DPP4: variants seen among roughly 807,000 people sequenced by gnomAD.
DPP4 encodes the protein dipeptidyl peptidase 4.
DPP4 carries 93 observed loss-of-function variants against 122.4 expected under a neutral mutation model. The observed-to-expected ratio is 0.76, with a 90% confidence interval of 0.64 to 0.90. DPP4 has a LOEUF of 0.90. Ranked by LOEUF, DPP4 falls within the 40% of genes least tolerant of loss-of-function variation. The probability of loss-of-function intolerance (pLI) is 0.00; values close to 1 mark genes in which losing one functional copy is unlikely to be tolerated. For synonymous variants in DPP4, 321 were observed against 302.9 expected, an observed-to-expected ratio of 1.06 and a Z score of -0.62; for missense variants, 914 against 907.3, an observed-to-expected ratio of 1.01 and a Z score of -0.09.
chr2:162,063,520 G>T (rs1456564289), intron 2 of DPP4, among the ~76,000 whole-genome samples: 1 of 152,046 alleles, frequency 6.6e-6, no homozygotes, highest in Non-Finnish European at 1.5e-5. Flanking sequence ...GGGAAAGACT[G>T]CACAGTGAGG....
intron 8 of DPP4, among the ~76,000 whole-genome samples, chr2:162,038,098 A>G (rs1559717840): frequency 6.6e-6 from 1 of 152,194 alleles, no homozygotes; most frequent in Non-Finnish European, 1.5e-5. Flanking sequence ...ATTGTCAGGC[A>G]ATGAGGACAG....
intron 4 of DPP4, chr2:162,046,714 G>T: frequency 1.6e-6 from 1 of 634,188 alleles, no homozygotes; most frequent in Non-Finnish European, 3.0e-6. Context: ...TTAAAAATAT[G>T]GGCAGAGGAA....
At chr2:161,999,508 G>A (rs1559703770) in intron 23 of DPP4, among the ~76,000 whole-genome samples, 1 of 152,106 alleles carries the variant, frequency 6.6e-6, no homozygotes, top group Non-Finnish European at 1.5e-5. Flanking sequence ...AGAAACTTCC[G>A]GAGAGCCCCG....
chr2:162,070,764 C>T (rs1685087986), intron 2 of DPP4, among the ~76,000 whole-genome samples: 1 of 152,170 alleles, frequency 6.6e-6, no homozygotes. Context: ...CATTCCTGAG[C>T]TTTTATCTTT....
chr2:162,019,932 C>G (rs77962142), intron 14 of DPP4, among the ~76,000 whole-genome samples: 113 of 152,200 alleles, frequency 7.4e-4, no homozygotes, highest in African/African-American at 2.7e-3. Flanking sequence ...TGAAATTTAA[C>G]AAAATGCCCC....
chr2:162,008,382 G>T (rs749801647), intron 22 of DPP4, among the ~76,000 whole-genome samples, 180 bp downstream of exon 22: 4 of 152,118 alleles, frequency 2.6e-5, no homozygotes, highest in Non-Finnish European at 5.9e-5. Context: ...ATACCACCCA[G>T]CCTTGCAAAA....
At chr2:162,022,498 A>C (rs1186602303) in intron 12 of DPP4, among the ~76,000 whole-genome samples, 2 of 152,188 alleles carry the variant, frequency 1.3e-5, no homozygotes, top group Non-Finnish European at 2.9e-5. Flanking sequence ...TGGGAGTTAC[A>C]ACTTGCCAGG....
intron 2 of DPP4, among the ~76,000 whole-genome samples, chr2:162,050,885 C>T (rs1684359642): frequency 6.6e-6 from 1 of 152,218 alleles, no homozygotes; most frequent in African/African-American, 2.4e-5. Flanking sequence ...TGCTCACTGA[C>T]AGGGCACTGC....
rs904588515 is a variant in DPP4 at position 161,994,844 on chromosome 2, A to C, written c.2199+117T>G. The C allele has an allele frequency of 5.8e-5, 55 of 955,920 alleles. No individual in the cohort carries two copies. In the East Asian group the frequency reaches 1.4e-3, roughly 25 times the overall value. The allele number at this position is 955,920 out of a possible 1,614,324, so 59.2% of individuals were successfully genotyped here. ...CTCTTCTGACTTCACGTTGAAAAAA[A>C]AATTTTTAATGTTTTTATTCTGTCC... On this transcript the variant is annotated intron_variant, in intron 25 of 25. Coordinates refer to ENST00000360534, the MANE Select transcript of DPP4 (RefSeq NM_001935.4).
chr2:162,008,725 G>A (rs1211213574), intron 21 of DPP4, 64 bp from the exon 22 acceptor site: 8 of 1,403,082 alleles, frequency 5.7e-6, no homozygotes, highest in Middle Eastern at 4.0e-4. Flanking sequence ...TAAGCGAGTC[G>A]CAGTTTCCAC....
chr2:162,009,194 T>G, intron 21 of DPP4, 47 bp downstream of exon 21: 1 of 1,577,758 alleles, frequency 6.3e-7, no homozygotes, highest in Non-Finnish European at 8.7e-7. Context: ...CTGCTCTGAG[T>G]GATATTCACT....
intron 10 of DPP4, among the ~76,000 whole-genome samples, chr2:162,032,809 C>G (rs1335967494): frequency 1.3e-5 from 2 of 152,032 alleles, no homozygotes; most frequent in Non-Finnish European, 2.9e-5. Flanking sequence ...GGTTCCTTTA[C>G]AGGAAAATAA....
chr2:162,016,664 A>G, intron 18 of DPP4, 104 bp downstream of exon 18: 1 of 665,212 alleles, frequency 1.5e-6, no homozygotes, highest in East Asian at 3.0e-5. Flanking sequence ...CTTTTAAATT[A>G]GATTTATATA....
Position 162,034,293 on chromosome 2 carries a change from C to A in DPP4, c.775-640G>T, listed in dbSNP as rs564742204. Among the ~76,000 whole-genome samples, 5 of 152,180 alleles carry A rather than the reference C, an allele frequency of 3.3e-5. No homozygotes were observed. The South Asian group carries it at 1.0e-3, about 32-fold the overall frequency. Reference sequence around the variant, plus strand: ...AATAATATGATATTTTTAGTGAGAACACTTTATGGAGTTTTTTTTGTATGT... The same window carrying A: ...AATAATATGATATTTTTAGTGAGAAAACTTTATGGAGTTTTTTTTGTATGT... On this transcript the variant is annotated intron_variant, in intron 9 of 25. Coordinates refer to ENST00000360534, the MANE Select transcript of DPP4 (RefSeq NM_001935.4).
intron 1 of DPP4, among the ~76,000 whole-genome samples, 191 bp downstream of exon 1, chr2:162,073,784 TC>T: frequency 1.2e-5 from 1 of 84,064 alleles, no homozygotes; most frequent in Non-Finnish European, 2.8e-5. Context: ...GACGCCAGGG[TC>T]CTAGCAGAAG....
chr2:162,001,388 G>A (rs1473172237), intron 23 of DPP4, among the ~76,000 whole-genome samples: 1 of 152,144 alleles, frequency 6.6e-6, no homozygotes, highest in Non-Finnish European at 1.5e-5. Flanking sequence ...CTCCCTACAT[G>A]CTCCTAAGGT....
chr2:162,054,069 C>T (rs1206650121), intron 2 of DPP4, among the ~76,000 whole-genome samples: 2 of 152,154 alleles, frequency 1.3e-5, no homozygotes, highest in Non-Finnish European at 2.9e-5. Flanking sequence ...GGAACCCAAC[C>T]CCCACCCTAG....
At chr2:162,063,306 A>G (rs1684844673) in intron 2 of DPP4, among the ~76,000 whole-genome samples, 1 of 152,326 alleles carries the variant, frequency 6.6e-6, no homozygotes, top group South Asian at 2.1e-4. Context: ...GATGTCCAGT[A>G]AGCAGTTGTA....
chr2:162,009,828 G>A (rs2909449), intron 20 of DPP4, among the ~76,000 whole-genome samples: 102,345 of 151,886 alleles, frequency 0.67, 35,916 homozygotes, highest in African/African-American at 0.88. Flanking sequence ...GCTCAGTACC[G>A]TGCACTCAAT....
Sources: gnomAD v4.1 joint callset for allele counts (sites outside exome capture counted in the v4.1 genomes callset) on GRCh38, gnomAD v4.1.1 for gene constraint, MANE v1.5 for transcripts, NCBI Gene and HGNC (gene_info 2026-07-23, HGNC 2026-07-21) for gene names.